The following RAG1 variants were observed in gnomAD, a reference collection of about 807,000 sequenced individuals.
RAG1 encodes V(D)J recombination-activating protein 1.
A neutral mutation model predicts 62.7 loss-of-function variants in RAG1; 35 were observed. That is an observed-to-expected ratio of 0.56 (90% CI 0.43 to 0.74). RAG1 has a LOEUF of 0.74. Among genes scored for constraint, RAG1 ranks in the 30% least tolerant of loss-of-function variants. RAG1 has a pLI of 0.00. For synonymous variants in RAG1, 461 were observed against 470.3 expected (o/e 0.98, Z 0.26); for missense variants, 1,169 against 1,278.6 (o/e 0.91, Z 1.31).
At chr11:36,532,377 A>AT (rs1440965490) in intron 2 of RAG1, among the ~76,000 whole-genome samples, 1 of 152,074 alleles carries the variant, frequency 6.6e-6, no homozygotes, top group African/African-American at 2.4e-5. Context: ...CTATATTTAT[A>AT]TTTTACAAAA....
At chr11:36,526,363 T>C (rs1860162972) in intron 2 of RAG1, among the ~76,000 whole-genome samples, 1 of 152,020 alleles carries the variant, frequency 6.6e-6, no homozygotes, top group South Asian at 2.1e-4. Context: ...GATAGTTTGC[T>C]GAAAATGATG....
At chr11:36,536,793 C>G (rs1255088762), downstream of RAG1, among the ~76,000 whole-genome samples, 1 of 151,348 alleles carries the variant, frequency 6.6e-6, no homozygotes, top group African/African-American at 2.4e-5. Context: ...GAGTCTTGCT[C>G]AGTTGCCCAG....
intron 3 of RAG1, among the ~76,000 whole-genome samples, chr11:36,545,325 G>A (rs1260482411): frequency 6.6e-6 from 1 of 152,140 alleles, no homozygotes; most frequent in African/African-American, 2.4e-5. Context: ...TGAAGAGGGA[G>A]TTAAGATTAA....
rs529328479 is a variant in RAG1, at chr11:36,520,774, T to C, written n.428+545T>C. Among the ~76,000 whole-genome samples, 129 of 152,322 alleles carry C rather than the reference T, an allele frequency of 8.5e-4. 1 individual carries two copies. Among genetic ancestry groups the C allele is most frequent in the Non-Finnish European group, 1.5e-3 (105 of 68,022 alleles). On this transcript the variant is annotated intron_variant and non_coding_transcript_variant, in intron 2 of 2. Transcript: ENST00000529126. The stretch of plus-strand genomic sequence containing the variant: ...TTACTTTGTTAGTTGAGATCTTAAC[T>C]CTTAAAATATGGGACAAAGTTGATA...
intron 1 of RAG1, among the ~76,000 whole-genome samples, chr11:36,573,075 T>C (rs1336904503): frequency 6.6e-6 from 1 of 152,188 alleles, no homozygotes; most frequent in Non-Finnish European, 1.5e-5. Flanking sequence ...TAAGCACTTA[T>C]ATGTGTGTAA....
chr11:36,546,371 C>T (rs1850392821), intron 3 of RAG1, among the ~76,000 whole-genome samples: 1 of 152,078 alleles, frequency 6.6e-6, no homozygotes, highest in Non-Finnish European at 1.5e-5. Flanking sequence ...GGTTTAAAGT[C>T]TGTTTTATTA....
intron 3 of RAG1, among the ~76,000 whole-genome samples, chr11:36,559,358 A>G (rs1341977130): frequency 6.6e-6 from 1 of 152,144 alleles, no homozygotes; most frequent in Non-Finnish European, 1.5e-5. Context: ...AATCTTTTGA[A>G]GTTGAATCTG....
upstream of RAG1, chr11:36,566,493 T>C (rs1163290826): frequency 6.6e-6 from 1 of 152,322 alleles, no homozygotes; most frequent in Non-Finnish European, 1.5e-5. Context: ...TGTAAGTCCA[T>C]TGGAGATGCA....
chr11:36,536,268 A>G (rs988855541), downstream of RAG1, among the ~76,000 whole-genome samples: 39 of 152,224 alleles, frequency 2.6e-4, no homozygotes, highest in African/African-American at 8.9e-4. Context: ...GTAAATTTTG[A>G]TATATTATAC....
intron 3 of RAG1, among the ~76,000 whole-genome samples, chr11:36,542,166 T>C (rs964794421): frequency 6.6e-6 from 1 of 152,188 alleles, no homozygotes; most frequent in Non-Finnish European, 1.5e-5. Context: ...CCTCTCTTTA[T>C]TAGAGAGCAT....
chr11:36,536,575 G>A (rs1183992732), downstream of RAG1, among the ~76,000 whole-genome samples: 2 of 151,816 alleles, frequency 1.3e-5, no homozygotes, highest in African/African-American at 4.8e-5. Flanking sequence ...AACATTAATC[G>A]TACTGTGCAT....
At position 36,574,543 on chromosome 11, in the gene RAG1, G is replaced by A. The variant is rs1850807745; in HGVS notation, c.1239G>A (p.Glu413=). The A allele has an allele frequency of 1.2e-6, 2 of 1,614,152 alleles. No homozygotes were observed. Among genetic ancestry groups the A allele is most frequent in the African/African-American group, 2.7e-5 (2 of 74,956 alleles). The change falls in exon 2 of 2, where the codon GAG becomes GAA. Residue 413 remains glutamate (E), a synonymous_variant. Transcript: ENST00000299440. The part of the protein sequence containing the change: ...TRRAQKHRLR[E]LKLQVKAFAD... ...GAGCTCAGAAGCACCGGCTGAGGGAGCTCAAGCTGCAAGTCAAAGCCTTTG... is the reference window on the plus strand; with the variant it reads ...GAGCTCAGAAGCACCGGCTGAGGGAACTCAAGCTGCAAGTCAAAGCCTTTG...
rs1554944775 is a variant in RAG1 at position 36,574,155 on chromosome 11, C to A, written c.851C>A (p.Pro284Gln). 6.2e-7 allele frequency: 1 copy of A among 1,614,080 alleles called. No individual in the cohort carries two copies. Among genetic ancestry groups the A allele is most frequent in the Non-Finnish European group, 8.5e-7 (1 of 1,180,048 alleles). The change falls in exon 2 of 2, where the codon CCA becomes CAA. Residue 284 changes from proline (P) to glutamine (Q), a missense_variant. By Grantham distance (76) the Pro-to-Gln change is moderately conservative (BLOSUM62 -1). Around this residue, in one of 2 missense-constraint regions of RAG1, gnomAD observed 800 missense variants for 943.3 expected, o/e 0.85. Coordinates refer to ENST00000299440, the MANE Select transcript of RAG1 (RefSeq NM_000448.3). ...ACCAAGCTCCTTGCAGTGGACTTCC[C>A]AGAGCACTTTGTGAAATCCATCTCC... ...LSTKLLAVDF[P>Q]EHFVKSISCQ... is the part of the protein sequence containing the mutation.
chr11:36,537,184 G>T (rs1342954626), downstream of RAG1, among the ~76,000 whole-genome samples: 1 of 152,144 alleles, frequency 6.6e-6, no homozygotes, highest in South Asian at 2.1e-4. Context: ...TGTAAGATGA[G>T]TAAGTTCTAG....
intron 3 of RAG1, among the ~76,000 whole-genome samples, chr11:36,549,579 C>T (rs1168819637): frequency 6.6e-6 from 1 of 152,166 alleles, no homozygotes; most frequent in African/African-American, 2.4e-5. Context: ...CATCTCACAC[C>T]AGTTAGAATG....
chr11:36,533,120 CAA>C (rs1260156791), intron 2 of RAG1, among the ~76,000 whole-genome samples: 1 of 152,128 alleles, frequency 6.6e-6, no homozygotes, highest in Non-Finnish European at 1.5e-5. Flanking sequence ...CTAGCCACAA[CAA>C]CCTCGGTTCT....
At chr11:36,561,223 C>A (rs1441225549) in intron 3 of RAG1, among the ~76,000 whole-genome samples, 2 of 152,248 alleles carry the variant, frequency 1.3e-5, no homozygotes, top group Non-Finnish European at 2.9e-5. Context: ...GGCTTCTTTA[C>A]ACCTTCCTTT....
At position 36,578,319 on chromosome 11, in the gene RAG1, A is replaced by G. The variant is rs1384657529; in HGVS notation, c.*1883A>G. 1 of 166,826 alleles carries G rather than the reference A, an allele frequency of 6.0e-6. No individual in the cohort carries two copies. The highest frequency in any genetic ancestry group is 1.5e-5 in the Non-Finnish European group (1 of 68,120). 10.3% of individuals were successfully genotyped at this position (166,826 alleles called of 1,614,324 possible). On this transcript the variant is annotated 3_prime_UTR_variant, in exon 2 of 2. Coordinates refer to ENST00000299440, the MANE Select transcript of RAG1 (RefSeq NM_000448.3). ...ATGCAGAATATCAAAGTCATTTCTA[A>G]TTTAGTTGTCAAAAACATATACATA... is the stretch of plus-strand genomic sequence containing the variant.
intron 3 of RAG1, among the ~76,000 whole-genome samples, chr11:36,546,251 T>C (rs1850391134): frequency 6.6e-6 from 1 of 152,218 alleles, no homozygotes; most frequent in African/African-American, 2.4e-5. Flanking sequence ...CTTATGAATC[T>C]GGGTGCTCCT....
Sources: gnomAD v4.1 joint callset for allele counts (sites outside exome capture counted in the v4.1 genomes callset) on GRCh38, gnomAD v4.1.1 for gene constraint, gnomAD v4.1.1 regional missense constraint, MANE v1.5 for transcripts, NCBI Gene and HGNC (gene_info 2026-07-23, HGNC 2026-07-21) for gene names.